Variants in ESRRG observed in about 807,000 individuals in gnomAD.
The protein encoded by ESRRG is estrogen related receptor gamma, also known as estrogen-related receptor gamma.
A neutral mutation model predicts 44.0 loss-of-function variants in ESRRG; 13 were observed. The observed-to-expected ratio is 0.30, with a 90% CI of 0.19 to 0.47. The LOEUF (loss-of-function observed/expected upper bound fraction) is 0.47, where lower values mean the gene tolerates loss of function less well. ESRRG is among the 20% of genes least tolerant of loss of function. The pLI is 1.00. For synonymous variants in ESRRG, 215 were observed against 214.6 expected (o/e 1.00, Z -0.02); for missense variants, 395 against 580.6 (o/e 0.68, Z 3.29).
intron 1 of ESRRG, among the ~76,000 whole-genome samples, chr1:216,694,942 A>G (rs1268137465): frequency 6.6e-6 from 1 of 152,174 alleles, no homozygotes; most frequent in East Asian, 1.9e-4. Context: ...TTTTAAGCCT[A>G]TAACCTGGTA....
intron 1 of ESRRG, among the ~76,000 whole-genome samples, chr1:216,997,323 C>A (rs2076490687): frequency 6.6e-6 from 1 of 152,184 alleles, no homozygotes; most frequent in African/African-American, 2.4e-5. Flanking sequence ...GACAACCCTG[C>A]AGAACATGCC....
At chr1:216,627,253 A>G (rs561543050) in intron 3 of ESRRG, among the ~76,000 whole-genome samples, 2 of 152,334 alleles carry the variant, frequency 1.3e-5, no homozygotes, top group Non-Finnish European at 2.9e-5. Context: ...CTTAATTCAT[A>G]GGTGCCATTT....
intron 2 of ESRRG, among the ~76,000 whole-genome samples, chr1:216,819,781 G>C (rs1044895120): frequency 2.6e-5 from 4 of 152,080 alleles, no homozygotes; most frequent in African/African-American, 9.7e-5. Flanking sequence ...CCTAAGCAGA[G>C]GGATGTAACA....
chr1:217,135,835 G>T (rs1382037640), intron 1 of ESRRG, among the ~76,000 whole-genome samples: 1 of 152,178 alleles, frequency 6.6e-6, no homozygotes, highest in East Asian at 1.9e-4. Context: ...TCGGGCTGCC[G>T]CGTGTAGCCT....
At chr1:216,819,912 C>T (rs1299302086) in intron 2 of ESRRG, among the ~76,000 whole-genome samples, 1 of 152,036 alleles carries the variant, frequency 6.6e-6, no homozygotes, top group Non-Finnish European at 1.5e-5. Flanking sequence ...ATGGAGCAGA[C>T]CAAAACAATA....
At chr1:216,591,757 T>G (rs2057704463) in intron 3 of ESRRG, among the ~76,000 whole-genome samples, 1 of 152,114 alleles carries the variant, frequency 6.6e-6, no homozygotes, top group African/African-American at 2.4e-5. Context: ...TGGAAAAATC[T>G]GGGACAATTT....
chr1:216,515,043 T>C, intron 6 of ESRRG, among the ~76,000 whole-genome samples: 1 of 151,836 alleles, frequency 6.6e-6, no homozygotes. Context: ...TGGCCACCTT[T>C]ACTTAAAAGT....
intron 2 of ESRRG, among the ~76,000 whole-genome samples, chr1:216,875,708 G>A (rs1398324055): frequency 2.0e-5 from 3 of 151,880 alleles, no homozygotes; most frequent in Non-Finnish European, 4.4e-5. Flanking sequence ...GCGTTTTATT[G>A]TTATAAATAA....
chr1:216,857,734 A>C (rs1043923351), intron 2 of ESRRG, among the ~76,000 whole-genome samples: 1 of 151,918 alleles, frequency 6.6e-6, no homozygotes, highest in Admixed American at 6.5e-5. Flanking sequence ...AAAAAAAAAA[A>C]AAAAAGTCCC....
At chr1:216,799,946 C>CA (rs1208705223) in intron 2 of ESRRG, among the ~76,000 whole-genome samples, 2 of 151,974 alleles carry the variant, frequency 1.3e-5, no homozygotes, top group Non-Finnish European at 2.9e-5. Flanking sequence ...GTCTCCCCCT[C>CA]AAAAAAACCC....
chr1:216,968,419 T>G (rs1393352549), intron 1 of ESRRG, among the ~76,000 whole-genome samples: 1 of 152,176 alleles, frequency 6.6e-6, no homozygotes, highest in Non-Finnish European at 1.5e-5. Context: ...GAATGTAAGA[T>G]CTATGTCTAG....
chr1:217,107,666 A>G (rs964791215), intron 1 of ESRRG, among the ~76,000 whole-genome samples: 1 of 152,196 alleles, frequency 6.6e-6, no homozygotes, highest in Non-Finnish European at 1.5e-5. Context: ...TCAGTGCCCA[A>G]ACTTAATGCT....
chr1:216,568,378 T>C (rs2060063769), intron 3 of ESRRG, among the ~76,000 whole-genome samples: 1 of 152,202 alleles, frequency 6.6e-6, no homozygotes, highest in South Asian at 2.1e-4. Flanking sequence ...CCATGTAGAT[T>C]AATACAAAGA....
intron 1 of ESRRG, among the ~76,000 whole-genome samples, chr1:216,687,161 C>T (rs2078159762): frequency 2.0e-5 from 3 of 152,108 alleles, no homozygotes. Flanking sequence ...TGAAGACTCA[C>T]TCCCAGTGGG....
intron 1 of ESRRG, among the ~76,000 whole-genome samples, chr1:217,025,416 TAAAG>T (rs1306053574): frequency 6.6e-6 from 1 of 152,116 alleles, no homozygotes; most frequent in African/African-American, 2.4e-5. Flanking sequence ...ACCTCTACAC[TAAAG>T]AAATAAAGTC....
At chr1:216,982,991 A>G (rs1318833453) in intron 1 of ESRRG, among the ~76,000 whole-genome samples, 1 of 151,020 alleles carries the variant, frequency 6.6e-6, no homozygotes, top group Non-Finnish European at 1.5e-5. Flanking sequence ...GAGTCAGACC[A>G]TCTGAATTTG....
chr1:216,866,826 G>A lies in ESRRG; in HGVS notation c.-14+72756C>T, dbSNP rs560643229. On this transcript the variant is annotated intron_variant, in intron 2 of 7. Coordinates refer to the ESRRG transcript ENST00000359162. ...ACAGTCTTCAAACTCTGGCATCCAT[G>A]GTTAGATTTTCTTTCATTTTTTGAT... Among the ~76,000 whole-genome samples the A allele has an allele frequency of 2.1e-4, 32 of 151,982 alleles. 1 individual carries two copies. In the South Asian group the frequency reaches 6.5e-3, roughly 31 times the overall value.
chr1:216,949,116 T>C (rs2066544212), intron 1 of ESRRG, among the ~76,000 whole-genome samples: 1 of 152,112 alleles, frequency 6.6e-6, no homozygotes. Context: ...TTTATTATGT[T>C]TCCTGTTTTA....
At chr1:216,536,293 G>T (rs550044214) in intron 5 of ESRRG, among the ~76,000 whole-genome samples, 4 of 151,936 alleles carry the variant, frequency 2.6e-5, no homozygotes, top group Non-Finnish European at 4.4e-5. Flanking sequence ...CCATCAAAAT[G>T]TCTCATTGGC....
Sources: gnomAD v4.1 joint callset for allele counts (sites outside exome capture counted in the v4.1 genomes callset) on GRCh38, gnomAD v4.1.1 for gene constraint, MANE v1.5 for transcripts, NCBI Gene and HGNC (gene_info 2026-07-23, HGNC 2026-07-21) for gene names.